The following OPCML variants were observed in gnomAD, a reference collection of about 807,000 sequenced individuals.
OPCML encodes the protein opioid-binding protein/cell adhesion molecule.
In OPCML, 13 loss-of-function variants were observed where a neutral mutation model predicts 37.8. The observed-to-expected ratio is 0.34, with a 90% CI of 0.22 to 0.55. OPCML has a LOEUF of 0.55. Among genes scored for constraint, OPCML ranks in the 20% least tolerant of loss-of-function variants. The pLI, the probability that OPCML is intolerant of heterozygous loss-of-function variation, is 0.91. For missense variants in OPCML, 341 were observed against 435.6 expected (o/e 0.78, Z 1.93); for synonymous variants, 176 against 168.8 (o/e 1.04, Z -0.33).
chr11:133,088,704 C>A (rs2137047951), intron 1 of OPCML, among the ~76,000 whole-genome samples: 1 of 152,220 alleles, frequency 6.6e-6, no homozygotes, highest in African/African-American at 2.4e-5. Context: ...GAGAGTGGAA[C>A]AATAGAATTA....
At chr11:133,130,155 G>A (rs1949581225) in intron 1 of OPCML, among the ~76,000 whole-genome samples, 1 of 151,848 alleles carries the variant, frequency 6.6e-6, no homozygotes. Context: ...TACAATGTGT[G>A]AGATAAAGAA....
chr11:133,381,371 A>C (rs528803567), intron 1 of OPCML, among the ~76,000 whole-genome samples: 1 of 152,246 alleles, frequency 6.6e-6, no homozygotes, highest in Non-Finnish European at 1.5e-5. Context: ...CACGGGATCA[A>C]ATAAATGTGT....
At chr11:133,195,999 G>T (rs773494681) in intron 1 of OPCML, among the ~76,000 whole-genome samples, 2 of 152,174 alleles carry the variant, frequency 1.3e-5, no homozygotes, top group Non-Finnish European at 2.9e-5. Flanking sequence ...TAAATTTAAG[G>T]TAGTGAGTTG....
intron 1 of OPCML, among the ~76,000 whole-genome samples, chr11:133,255,847 T>C (rs1244441193): frequency 6.6e-6 from 1 of 152,202 alleles, no homozygotes. Context: ...TTATAAAAAA[T>C]GAGATTATTA....
At chr11:133,218,659 A>C (rs1277735604) in intron 1 of OPCML, among the ~76,000 whole-genome samples, 2 of 152,200 alleles carry the variant, frequency 1.3e-5, no homozygotes, top group Non-Finnish European at 2.9e-5. Flanking sequence ...GGGGAGACAC[A>C]GAGACACACA....
chr11:132,815,016 A>G (rs1939548782), intron 2 of OPCML, among the ~76,000 whole-genome samples: 1 of 152,136 alleles, frequency 6.6e-6, no homozygotes, highest in African/African-American at 2.4e-5. Context: ...CTTAAAAGCC[A>G]TCTTTCCCCA....
chr11:133,152,566 C>T (rs570728682), intron 1 of OPCML, among the ~76,000 whole-genome samples: 21 of 114,976 alleles, frequency 1.8e-4, no homozygotes, highest in African/African-American at 8.0e-4. Context: ...CCCTTCCCTC[C>T]TGATCCCCCC....
At chr11:133,257,413 A>G (rs1941347262) in intron 1 of OPCML, among the ~76,000 whole-genome samples, 1 of 152,178 alleles carries the variant, frequency 6.6e-6, no homozygotes, top group Non-Finnish European at 1.5e-5. Context: ...GTTTCATAGA[A>G]CATGCCTCCC....
intron 1 of OPCML, among the ~76,000 whole-genome samples, chr11:133,225,800 A>C (rs1427565159): frequency 1.3e-5 from 2 of 152,178 alleles, no homozygotes; most frequent in Non-Finnish European, 2.9e-5. Context: ...AACTCTTATG[A>C]AGTTTCTAGT....
chr11:132,534,742 G>T (rs1184151793), intron 3 of OPCML, among the ~76,000 whole-genome samples: 2 of 152,140 alleles, frequency 1.3e-5, no homozygotes, highest in Non-Finnish European at 2.9e-5. Context: ...GTACAATGGG[G>T]ATGAAAAACT....
At chr11:132,650,784 C>T (rs1368479241) in intron 3 of OPCML, among the ~76,000 whole-genome samples, 4 of 152,246 alleles carry the variant, frequency 2.6e-5, no homozygotes, top group African/African-American at 9.6e-5. Context: ...CTGGCCTGTC[C>T]TGTTGTTTTC....
At position 132,856,334 on chromosome 11, in the gene OPCML, C is replaced by CA. The variant is rs530076615; in HGVS notation, c.146+86591dup. Among the ~76,000 whole-genome samples the CA allele has an allele frequency of 2.9e-4, 44 of 152,130 alleles. No homozygotes were observed. In the South Asian group the frequency reaches 8.9e-3, roughly 31 times the overall value. On this transcript the variant is annotated intron_variant, in intron 2 of 7. Transcript: ENST00000524381. ...TGGTAGGATATGGCGTAAATGTAAA[C>CA]AAAAAGTTGAGAAACAGTCACACTG...
At chr11:133,246,424 C>T (rs1221470914) in intron 1 of OPCML, among the ~76,000 whole-genome samples, 1 of 152,154 alleles carries the variant, frequency 6.6e-6, no homozygotes, top group East Asian at 1.9e-4. Flanking sequence ...GGAAGCCTTT[C>T]CTGAGTTGAT....
In OPCML at chr11:133,089,496, T is replaced by C. The variant is rs188520476; in HGVS notation, c.62-146486A>G. Among the ~76,000 whole-genome samples the C allele has an allele frequency of 1.1e-4, 17 of 152,342 alleles. No homozygotes were observed. The East Asian group carries it at 3.1e-3, about 28-fold the overall frequency. On this transcript the variant is annotated intron_variant, in intron 1 of 7. Coordinates refer to ENST00000524381, the MANE Select transcript of OPCML (RefSeq NM_001012393.5). ...AACTTACTCGTTTGGAGATATTTGCTGAGCATCTACCAGGCAATAGCAACA... is the reference window on the plus strand; with the variant it reads ...AACTTACTCGTTTGGAGATATTTGCCGAGCATCTACCAGGCAATAGCAACA...
chr11:132,877,089 CA>C (rs1299741552), intron 2 of OPCML, among the ~76,000 whole-genome samples: 1 of 152,114 alleles, frequency 6.6e-6, no homozygotes, highest in Admixed American at 6.6e-5. Context: ...CCCAGTGTGC[CA>C]AGAGGCCACA....
intron 1 of OPCML, among the ~76,000 whole-genome samples, chr11:133,202,206 T>C (rs1938828948): frequency 6.6e-6 from 1 of 152,148 alleles, no homozygotes; most frequent in Non-Finnish European, 1.5e-5. Context: ...AGGTCAGCCA[T>C]TCCACCTCCG....
At chr11:132,835,121 C>T (rs1940935961) in intron 2 of OPCML, among the ~76,000 whole-genome samples, 1 of 152,134 alleles carries the variant, frequency 6.6e-6, no homozygotes, top group African/African-American at 2.4e-5. Flanking sequence ...TTGATTCATG[C>T]CCACCTAACT....
chr11:133,223,984 C>T (rs772978982), intron 1 of OPCML, among the ~76,000 whole-genome samples: 10 of 152,054 alleles, frequency 6.6e-5, no homozygotes, highest in Non-Finnish European at 1.5e-4. Context: ...GGTTTTGGCC[C>T]GAGTGTATTT....
chr11:133,008,537 C>T (rs549996715), intron 1 of OPCML: 3 of 654,362 alleles, frequency 4.6e-6, no homozygotes, highest in African/African-American at 2.0e-5. Context: ...AGGCTCCCAG[C>T]TGAGCCTCTC....
Sources: gnomAD v4.1 joint callset for allele counts (sites outside exome capture counted in the v4.1 genomes callset) on GRCh38, gnomAD v4.1.1 for gene constraint, MANE v1.5 for transcripts, NCBI Gene and HGNC (gene_info 2026-07-23, HGNC 2026-07-21) for gene names.